CLXN: variants seen among roughly 807,000 people sequenced by gnomAD.
The protein encoded by CLXN is calaxin.
chr8:48,728,253 T>C, the CLXN span, among the ~76,000 whole-genome samples: 1 of 152,300 alleles, frequency 6.6e-6, no homozygotes, highest in African/African-American at 2.4e-5. Context: ...TGCAGATGCA[T>C]TTGCATCTCT....
At chr8:48,726,755 A>G in the CLXN span, among the ~76,000 whole-genome samples, 1 of 142,706 alleles carries the variant, frequency 7.0e-6, no homozygotes, top group Non-Finnish European at 1.5e-5. Flanking sequence ...CCATCCATCC[A>G]TCCATCTACC....
At chr8:48,735,216 C>A in the CLXN span, 2 of 1,589,080 alleles carry the variant, frequency 1.3e-6, no homozygotes, top group South Asian at 1.1e-5. Flanking sequence ...GAGACCCTCG[C>A]GGGACCCCCG....
At chr8:48,718,213 A>G in the CLXN span, among the ~76,000 whole-genome samples, 2 of 152,206 alleles carry the variant, frequency 1.3e-5, no homozygotes, top group African/African-American at 4.8e-5. Context: ...AGAAGTATTA[A>G]GTAAAAAATT....
chr8:48,735,205 C>A, the CLXN span: 1 of 1,604,218 alleles, frequency 6.2e-7, no homozygotes, highest in Non-Finnish European at 8.5e-7. Context: ...GCGCGGCTAC[C>A]GAGACCCTCG....
chr8:48,730,706 A>C, the CLXN span: 2 of 893,712 alleles, frequency 2.2e-6, no homozygotes, highest in Non-Finnish European at 3.4e-6. Context: ...TAAAGTATCT[A>C]CATTGGCATC....
the CLXN span, chr8:48,713,687 G>C: frequency 6.6e-6 from 1 of 152,114 alleles, no homozygotes; most frequent in Admixed American, 6.5e-5. Context: ...GGGACAACCA[G>C]CTTAGAATAC....
the CLXN span, among the ~76,000 whole-genome samples, chr8:48,718,460 T>G: frequency 9.9e-5 from 15 of 152,062 alleles, no homozygotes; most frequent in African/African-American, 3.6e-4. Context: ...ACACTATGGA[T>G]GAAAAGACCT....
At chr8:48,732,342 G>A in the CLXN span, among the ~76,000 whole-genome samples, 4 of 152,116 alleles carry the variant, frequency 2.6e-5, no homozygotes, top group African/African-American at 9.7e-5. Context: ...AACAAACAAG[G>A]ACAAAACCTG....
chr8:48,730,554 TC>T, the CLXN span: 1 of 1,609,114 alleles, frequency 6.2e-7, no homozygotes, highest in Non-Finnish European at 8.5e-7. Context: ...CATTTTTTCT[TC>T]CAAAGATCCT....
the CLXN span, chr8:48,714,817 A>G: frequency 6.6e-6 from 1 of 152,362 alleles, no homozygotes; most frequent in East Asian, 1.9e-4. Flanking sequence ...TTACAAACTT[A>G]TTCCAAGAAA....
the CLXN span, chr8:48,729,840 G>T: frequency 6.2e-7 from 1 of 1,612,524 alleles, no homozygotes; most frequent in Non-Finnish European, 8.5e-7. Flanking sequence ...AAATGAATCC[G>T]TCACCATTCA....
chr8:48,733,965 C>CA, the CLXN span, among the ~76,000 whole-genome samples: 1 of 152,156 alleles, frequency 6.6e-6, no homozygotes, highest in South Asian at 2.1e-4. Flanking sequence ...TTAAGAAAAA[C>CA]AATAACAGAA....
chr8:48,729,000 C>T, the CLXN span: 1 of 1,474,316 alleles, frequency 6.8e-7, no homozygotes, highest in Non-Finnish European at 9.3e-7. Context: ...GGTTGTTCTA[C>T]ATTCTACTTT....
the CLXN span, among the ~76,000 whole-genome samples, chr8:48,732,307 A>G: frequency 1.3e-5 from 2 of 152,206 alleles, no homozygotes; most frequent in Admixed American, 6.5e-5. Context: ...TTTTGAAACC[A>G]GTCAAAACTG....
chr8:48,735,084 T>C, the CLXN span: 1 of 1,614,086 alleles, frequency 6.2e-7, no homozygotes, highest in African/African-American at 1.3e-5. Context: ...AGCACTACAT[T>C]CTTACTTACA....
At chr8:48,724,717 T>G in the CLXN span, 2 of 1,576,106 alleles carry the variant, frequency 1.3e-6, no homozygotes, top group Non-Finnish European at 1.7e-6. Context: ...TTTACTCACT[T>G]GAGACAATAT....
the CLXN span, among the ~76,000 whole-genome samples, chr8:48,722,983 G>A: frequency 6.6e-6 from 1 of 152,284 alleles, no homozygotes; most frequent in East Asian, 1.9e-4. Flanking sequence ...GGTTTCCAAG[G>A]GCTGGGGATA....
the CLXN span, chr8:48,724,550 A>G: frequency 6.7e-6 from 3 of 449,414 alleles, no homozygotes; most frequent in Non-Finnish European, 1.2e-5. Flanking sequence ...CCATCATCTA[A>G]TAAGGGACTT....
the CLXN span, chr8:48,716,508 G>A: frequency 3.9e-5 from 6 of 152,490 alleles, no homozygotes; most frequent in East Asian, 1.9e-4. Context: ...TGCCGGGACC[G>A]AGTGAGGGCT....
Sources: allele counts gnomAD v4.1 joint callset (sites outside exome capture counted in the v4.1 genomes callset), GRCh38; gene constraint gnomAD v4.1.1; transcripts MANE v1.5; gene names NCBI Gene and HGNC (gene_info 2026-07-23, HGNC 2026-07-21).